The following ARL15 variants were observed in gnomAD, a reference collection of about 807,000 sequenced individuals.
ARL15 encodes the protein ADP-ribosylation factor-like protein 15.
A neutral mutation model predicts 25.2 loss-of-function variants in ARL15; 19 were observed. The observed-to-expected ratio is 0.75, with a 90% CI of 0.53 to 1.10. ARL15 has a LOEUF of 1.10. ARL15 is among the 50% of genes least tolerant of loss of function. The probability of loss-of-function intolerance (pLI) is 0.00; values close to 1 mark genes in which losing one functional copy is unlikely to be tolerated. For missense variants in ARL15, 220 were observed against 246.0 expected (o/e 0.89, Z 0.71); for synonymous variants, 94 against 86.8 (o/e 1.08, Z -0.46).
chr5:53,887,502 A>G (rs1231744356), intron 4 of ARL15: 7 of 621,054 alleles, frequency 1.1e-5, no homozygotes, highest in Non-Finnish European at 2.0e-5. Flanking sequence ...GGCATTTAGT[A>G]TTACCAATTC....
chr5:54,228,545 T>C (rs368945235), intron 1 of ARL15, among the ~76,000 whole-genome samples: 12 of 129,748 alleles, frequency 9.2e-5, no homozygotes, highest in Non-Finnish European at 1.4e-4. Flanking sequence ...AATTATGATA[T>C]AAGGTTATTC....
intron 3 of ARL15, among the ~76,000 whole-genome samples, chr5:54,124,206 A>G (rs1210466135): frequency 6.6e-6 from 1 of 152,164 alleles, no homozygotes; most frequent in Non-Finnish European, 1.5e-5. Flanking sequence ...TACAATTCTG[A>G]TATTAGATTA....
intron 4 of ARL15, among the ~76,000 whole-genome samples, chr5:54,070,490 G>A (rs1487449909): frequency 6.6e-6 from 1 of 152,082 alleles, no homozygotes; most frequent in Non-Finnish European, 1.5e-5. Context: ...CCAGCAAAAG[G>A]CCCTCACCAG....
chr5:54,201,744 A>T (rs2112484550), intron 1 of ARL15, among the ~76,000 whole-genome samples: 1 of 152,258 alleles, frequency 6.6e-6, no homozygotes, highest in Admixed American at 6.5e-5. Flanking sequence ...TGGTCCCTAT[A>T]CCTATGGTGA....
intron 4 of ARL15, among the ~76,000 whole-genome samples, chr5:54,014,496 C>A (rs770434309): frequency 2.7e-5 from 4 of 148,800 alleles, no homozygotes; most frequent in African/African-American, 9.9e-5. Context: ...CATCCCATAA[C>A]CTGTTTTGCC....
intron 1 of ARL15, among the ~76,000 whole-genome samples, chr5:54,180,287 T>C (rs1205767744): frequency 6.6e-6 from 1 of 152,192 alleles, no homozygotes; most frequent in Admixed American, 6.5e-5. Context: ...AGAAGGTCTA[T>C]AATGAGCATG....
intron 4 of ARL15, among the ~76,000 whole-genome samples, chr5:54,016,234 A>G (rs1177956618): frequency 6.6e-6 from 1 of 152,168 alleles, no homozygotes; most frequent in African/African-American, 2.4e-5. Context: ...TGTATAATAT[A>G]TAATTTGCTT....
intron 2 of ARL15, among the ~76,000 whole-genome samples, chr5:54,165,843 G>C (rs1754548875): frequency 6.6e-6 from 1 of 151,890 alleles, no homozygotes; most frequent in African/African-American, 2.4e-5. Flanking sequence ...TGGCAGGCTG[G>C]AGACCCAGGA....
chr5:54,116,009 G>A (rs1752889297), intron 3 of ARL15, among the ~76,000 whole-genome samples: 1 of 152,154 alleles, frequency 6.6e-6, no homozygotes, highest in Admixed American at 6.5e-5. Flanking sequence ...GGGGGAAGAA[G>A]CTAGGCAAAG....
chr5:54,124,242 A>G (rs1450442955), intron 3 of ARL15, among the ~76,000 whole-genome samples: 1 of 152,208 alleles, frequency 6.6e-6, no homozygotes, highest in Non-Finnish European at 1.5e-5. Context: ...GTTGACTGAT[A>G]AGAAGATATC....
At chr5:54,076,503 C>G (rs1385268867) in intron 4 of ARL15, among the ~76,000 whole-genome samples, 2 of 151,926 alleles carry the variant, frequency 1.3e-5, no homozygotes, top group Non-Finnish European at 2.9e-5. Context: ...GGATTCATAT[C>G]ATAATATACG....
chr5:54,078,428 A>G (rs959221714), intron 4 of ARL15, among the ~76,000 whole-genome samples: 1 of 152,216 alleles, frequency 6.6e-6, no homozygotes, highest in Non-Finnish European at 1.5e-5. Context: ...AAAACCTTCA[A>G]GTCACTAAAT....
chr5:54,077,184 G>A (rs1289311276), intron 4 of ARL15, among the ~76,000 whole-genome samples: 1 of 152,106 alleles, frequency 6.6e-6, no homozygotes, highest in Non-Finnish European at 1.5e-5. Context: ...GAATGCAACA[G>A]GATGAAGGAT....
intron 4 of ARL15, among the ~76,000 whole-genome samples, chr5:53,891,258 G>C (rs1744699537): frequency 6.6e-6 from 1 of 152,130 alleles, no homozygotes; most frequent in Non-Finnish European, 1.5e-5. Flanking sequence ...AGTCCAGAAA[G>C]GGTTTACTTA....
At chr5:54,287,835 C>G (rs1758221302) in intron 1 of ARL15, among the ~76,000 whole-genome samples, 1 of 152,102 alleles carries the variant, frequency 6.6e-6, no homozygotes, top group Non-Finnish European at 1.5e-5. Flanking sequence ...AACTAGCAGG[C>G]AGTTTAGCCT....
chr5:54,028,526 A>C (rs1326813944), intron 4 of ARL15, among the ~76,000 whole-genome samples: 2 of 148,202 alleles, frequency 1.3e-5, no homozygotes, highest in East Asian at 2.0e-4. Context: ...AAAAAAAAAA[A>C]CCACAACTGA....
At chr5:54,097,210 G>A (rs897386498) in intron 4 of ARL15, among the ~76,000 whole-genome samples, 8 of 152,122 alleles carry the variant, frequency 5.3e-5, no homozygotes, top group Non-Finnish European at 7.3e-5. Context: ...CCAGCTACTC[G>A]GGAGGCTGAG....
intron 4 of ARL15, among the ~76,000 whole-genome samples, chr5:54,090,743 T>C (rs1264327044): frequency 6.6e-6 from 1 of 151,992 alleles, no homozygotes; most frequent in Non-Finnish European, 1.5e-5. Context: ...AGGATAATTA[T>C]AAAATCCTTG....
chr5:53,894,791 ACT>A (rs1190236714), intron 4 of ARL15, among the ~76,000 whole-genome samples: 1 of 151,816 alleles, frequency 6.6e-6, no homozygotes, highest in Non-Finnish European at 1.5e-5. Flanking sequence ...GCCTATAAAT[ACT>A]CTCTCATCTT....
Sources: allele counts gnomAD v4.1 joint callset (sites outside exome capture counted in the v4.1 genomes callset), GRCh38; gene constraint gnomAD v4.1.1; transcripts MANE v1.5; gene names NCBI Gene and HGNC (gene_info 2026-07-23, HGNC 2026-07-21).